Variants in MRAS observed in about 807,000 individuals in gnomAD.
The protein encoded by MRAS is ras-related protein M-Ras.
A neutral mutation model predicts 20.9 loss-of-function variants in MRAS; 4 were observed. That is an observed-to-expected ratio of 0.19 (90% confidence interval 0.09 to 0.44). The LOEUF (loss-of-function observed/expected upper bound fraction) is 0.44, where lower values mean the gene tolerates loss of function less well. Among genes scored for constraint, MRAS ranks in the 20% least tolerant of loss-of-function variants. MRAS has a pLI of 0.99. For missense variants in MRAS, 154 were observed against 277.5 expected, an observed-to-expected ratio of 0.56 and a Z score of 3.16; for synonymous variants, 98 against 102.9, an observed-to-expected ratio of 0.95 and a Z score of 0.29.
In MRAS at chr3:138,358,958, C is replaced by T. The variant is rs147995862; in HGVS notation, c.-19+10191C>T. ...GCTGGTGGCTGCTACCACCCACCAA[C>T]AATAGTTTTACACAGAGAGGTTTTT... On this transcript the variant is annotated intron_variant, in intron 1 of 5. Transcript: ENST00000423968. Among the ~76,000 whole-genome samples, 909 of 152,272 alleles carry T rather than the reference C, an allele frequency of 6.0e-3. 8 individuals are homozygous for T. Among genetic ancestry groups the T allele is most frequent in the African/African-American group, 0.021 (873 of 41,552 alleles).
At chr3:138,358,441 G>A (rs2054380165) in intron 1 of MRAS, among the ~76,000 whole-genome samples, 2 of 152,342 alleles carry the variant, frequency 1.3e-5, no homozygotes, top group Middle Eastern at 3.4e-3. Context: ...CAGAAGTGCT[G>A]GGATTATTAA....
At chr3:138,355,377 G>T (rs2054310664) in intron 1 of MRAS, among the ~76,000 whole-genome samples, 1 of 152,186 alleles carries the variant, frequency 6.6e-6, no homozygotes, top group Non-Finnish European at 1.5e-5. Context: ...GCTGAAGCCT[G>T]GTGTTATCCT....
intron 1 of MRAS, among the ~76,000 whole-genome samples, chr3:138,354,742 A>G (rs2054295849): frequency 6.6e-6 from 1 of 152,214 alleles, no homozygotes; most frequent in Admixed American, 6.5e-5. Context: ...CAGAGAAAAC[A>G]TATTCTCTTT....
At chr3:138,389,846 C>T (rs1319609931) in intron 2 of MRAS, among the ~76,000 whole-genome samples, 1 of 151,700 alleles carries the variant, frequency 6.6e-6, no homozygotes, top group Non-Finnish European at 1.5e-5. Context: ...TGGGTGGGAC[C>T]ACTTTTAGCC....
intron 2 of MRAS, among the ~76,000 whole-genome samples, chr3:138,391,188 C>T: frequency 6.6e-6 from 1 of 152,090 alleles, no homozygotes; most frequent in East Asian, 1.9e-4. Flanking sequence ...CCTTTTCTAG[C>T]CTCTTGATTT....
intron 1 of MRAS, among the ~76,000 whole-genome samples, chr3:138,363,217 C>G (rs1210190875): frequency 6.6e-6 from 1 of 151,984 alleles, no homozygotes; most frequent in Non-Finnish European, 1.5e-5. Context: ...TGCCTGCCAC[C>G]ATGCCTGGCT....
intron 2 of MRAS, among the ~76,000 whole-genome samples, chr3:138,378,493 G>A (rs530869509): frequency 8.5e-4 from 129 of 152,248 alleles, no homozygotes; most frequent in African/African-American, 2.7e-3. Flanking sequence ...CCCAACCCTC[G>A]GAGCCTCTCT....
At chr3:138,359,304 G>A (rs2054397927) in intron 1 of MRAS, among the ~76,000 whole-genome samples, 1 of 152,124 alleles carries the variant, frequency 6.6e-6, no homozygotes, top group South Asian at 2.1e-4. Flanking sequence ...AAGCTAGGTG[G>A]CCAGTCCTTC....
At chr3:138,399,752 G>T (rs927627203) in intron 4 of MRAS, among the ~76,000 whole-genome samples, 1 of 152,222 alleles carries the variant, frequency 6.6e-6, no homozygotes, top group Non-Finnish European at 1.5e-5. Context: ...CGCCTTTGGG[G>T]AATGAACACT....
intron 1 of MRAS, among the ~76,000 whole-genome samples, chr3:138,371,447 G>A (rs1235372485): frequency 6.6e-6 from 1 of 152,180 alleles, no homozygotes; most frequent in Non-Finnish European, 1.5e-5. Context: ...CTATGGCTCA[G>A]AGAGATCAGT....
At chr3:138,378,888 C>T (rs1434932634) in intron 2 of MRAS, among the ~76,000 whole-genome samples, 1 of 152,116 alleles carries the variant, frequency 6.6e-6, no homozygotes, top group Non-Finnish European at 1.5e-5. Context: ...CTCCCCTCTC[C>T]TCAGTCCCTG....
At position 138,404,318 on chromosome 3, in the gene MRAS, A is replaced by G. The variant is rs903838419; in HGVS notation, c.*2049A>G. On this transcript the variant is annotated 3_prime_UTR_variant, in exon 6 of 6. Coordinates refer to ENST00000423968, the MANE Select transcript of MRAS (RefSeq NM_001085049.3). ...CGGAGTAGGAGAAGAAGCCCTGCAC[A>G]CAGGGCAGTGTCCACAGCCAGAAAA... The G allele has an allele frequency of 6.6e-6, 1 of 152,222 alleles. No homozygotes were observed. The highest frequency in any genetic ancestry group is 2.4e-5 in the African/African-American group (1 of 41,456). 9.4% of individuals were successfully genotyped at this position (152,222 alleles called of 1,614,324 possible).
chr3:138,367,929 G>A (rs1394553792), intron 1 of MRAS, among the ~76,000 whole-genome samples: 3 of 152,074 alleles, frequency 2.0e-5, no homozygotes. Flanking sequence ...TTGTACACAT[G>A]TTATTAAAAT....
chr3:138,395,449 C>G (rs13096934), intron 2 of MRAS, among the ~76,000 whole-genome samples: 17,758 of 152,152 alleles, frequency 0.12, 1,177 homozygotes, highest in Non-Finnish European at 0.16. Context: ...TCCTCTCCAT[C>G]CTTCACACGC....
At chr3:138,380,272 C>T (rs1020710207) in intron 2 of MRAS, among the ~76,000 whole-genome samples, 1 of 151,808 alleles carries the variant, frequency 6.6e-6, no homozygotes, top group East Asian at 1.9e-4. Flanking sequence ...ACACTAAGTC[C>T]CCATTTTCCC....
chr3:138,381,540 C>A (rs1236608890), intron 2 of MRAS, among the ~76,000 whole-genome samples: 1 of 152,194 alleles, frequency 6.6e-6, no homozygotes, highest in Non-Finnish European at 1.5e-5. Context: ...CCCTCTGGCT[C>A]CCAGCCCCGC....
At chr3:138,393,237 T>C (rs2055166101) in intron 2 of MRAS, among the ~76,000 whole-genome samples, 2 of 152,212 alleles carry the variant, frequency 1.3e-5, no homozygotes, top group Admixed American at 1.3e-4. Flanking sequence ...CCTGTTCTTT[T>C]AAAAATTTGT....
At position 138,372,934 on chromosome 3, in the gene MRAS, G is replaced by A; in HGVS notation, c.51G>A (p.Val17=). 1 of 1,556,660 alleles carries A rather than the reference G, an allele frequency of 6.4e-7. No individual in the cohort carries two copies. The highest frequency in any genetic ancestry group is 1.2e-5 in the South Asian group (1 of 82,378). The change falls in exon 2 of 6, where the codon GTG becomes GTA. Residue 17 remains valine, a synonymous_variant. Coordinates refer to ENST00000423968, the MANE Select transcript of MRAS (RefSeq NM_001085049.3). ...ACAACCTCCCCACATACAAGCTGGT[G>A]GTGGTGGGGGATGGGGGTGTGGGCA... ...PSDNLPTYKL[V]VVGDGGVGKS...
chr3:138,356,341 TG>T (rs758909021), intron 1 of MRAS, among the ~76,000 whole-genome samples: 3 of 152,174 alleles, frequency 2.0e-5, no homozygotes, highest in Non-Finnish European at 4.4e-5. Context: ...TGACCATTTA[TG>T]GGGGGTGTTG....
Sources: allele counts gnomAD v4.1 joint callset (sites outside exome capture counted in the v4.1 genomes callset), GRCh38; gene constraint gnomAD v4.1.1; transcripts MANE v1.5; gene names NCBI Gene and HGNC (gene_info 2026-07-23, HGNC 2026-07-21).